Variants in EME1 observed in about 807,000 individuals in gnomAD.
The protein encoded by EME1 is essential meiotic structure-specific endonuclease 1.
EME1 carries 61 observed loss-of-function variants against 59.1 expected under a neutral mutation model. That is an observed-to-expected ratio of 1.03 (90% CI 0.84 to 1.28). EME1 has a LOEUF of 1.28. Ranked by LOEUF, EME1 falls within the 50% of genes most tolerant of loss-of-function variation. EME1 has a pLI of 0.00. For synonymous variants in EME1, 230 were observed against 254.2 expected (o/e 0.90, Z 0.90); for missense variants, 635 against 682.6 (o/e 0.93, Z 0.78).
intron 3 of EME1, among the ~76,000 whole-genome samples, 189 bp from the exon 4 acceptor site, chr17:50,378,406 C>T (rs1185990429): frequency 6.6e-6 from 1 of 152,154 alleles, no homozygotes; most frequent in African/African-American, 2.4e-5. Context: ...ATGCAGGGCA[C>T]CAAGACTGAA....
rs145492554 is a variant in EME1, at chr17:50,379,106, G to A, written c.1113-1G>A. On this transcript the variant is annotated splice_acceptor_variant, in intron 5 of 8. Coordinates refer to ENST00000338165, the MANE Select transcript of EME1 (RefSeq NM_152463.4). LOFTEE classifies it high-confidence loss of function. ...TTCTTTGATTTCCTCCCCTGCACCA[G>A]TGCTCAGAATCCTCCAAGAAGAGGG... The A allele has an allele frequency of 1.9e-6, 3 of 1,614,030 alleles. No individual in the cohort carries two copies. In the African/African-American group the frequency reaches 4.0e-5, roughly 22 times the overall value.
rs371452958 is a variant in EME1, at chr17:50,378,869, G to C, written c.1086G>C (p.Val362=). The change falls in exon 5 of 9, where the codon GTG becomes GTC. Residue 362 remains valine (V), a synonymous_variant. Transcript: ENST00000338165. ...CAGCAGGGAAAGCTCTGTCACTGGT[G>C]ATTGTGGATCAGGAGAAATGCTTCA... The part of the protein sequence containing the change: ...AKTAGKALSL[V]IVDQEKCFSA... 12 of 1,614,226 alleles carry C rather than the reference G, an allele frequency of 7.4e-6. No individual in the cohort carries two copies. Among genetic ancestry groups the C allele is most frequent in the Non-Finnish European group, 1.0e-5 (12 of 1,180,032 alleles).
rs1913266680 is a variant in EME1 at position 50,373,462 on chromosome 17, GC to G, written c.-25+188del. On this transcript the variant is annotated intron_variant, in intron 1 of 8. Transcript: ENST00000338165. ...CCCTGATTTGCAGATGTCAACGGAG[GC>G]CCAGCGAAGGGTCAGAGATGAGGCC... Among the ~76,000 whole-genome samples, 3 of 152,350 alleles carry G rather than the reference GC, an allele frequency of 2.0e-5. No homozygotes were observed. The South Asian group carries it at 6.2e-4, about 32-fold the overall frequency.
chr17:50,374,142 T>A (rs1913315428), intron 1 of EME1, among the ~76,000 whole-genome samples: 1 of 152,178 alleles, frequency 6.6e-6, no homozygotes, highest in Non-Finnish European at 1.5e-5. Context: ...AAAATAGTGA[T>A]GATGGTTGCA....
Position 50,378,622 on chromosome 17 carries a change from A to T in EME1, c.931A>T (p.Thr311Ser), listed in dbSNP as rs573673726. 6.2e-7 allele frequency: 1 copy of T among 1,613,862 alleles called. No homozygotes were observed. The highest frequency in any genetic ancestry group is 1.7e-5 in the Admixed American group (1 of 59,996). Residue 311 changes from threonine (T) to serine (S), a missense_variant, in exon 4 of 9, where the codon ACA (threonine) becomes TCA (serine). Transcript: ENST00000338165. ...CAGAGAGGACTGGGTGGAGGAGCCAACAGTACTGGTGTTGCTCCGGGCAGA... is the reference window on the plus strand; with the variant it reads ...CAGAGAGGACTGGGTGGAGGAGCCATCAGTACTGGTGTTGCTCCGGGCAGA... ...EDREDWVEEP[T>S]VLVLLRAEAF...
In EME1 at chr17:50,379,203, A is replaced by G. The variant is rs1471154492; in HGVS notation, c.1209A>G (p.Val403=). ...CAGAGGCCAGCATAGGGTCCATGGT[A>G]TCCAGGGTAGACGCTGAAGAGGTAA... ...RQPEASIGSM[V]SRVDAEEALV... is the part of the protein sequence containing the mutation. Residue 403 remains valine (V), a synonymous_variant, in exon 6 of 9, where the codon GTA becomes GTG. Coordinates refer to ENST00000338165, the MANE Select transcript of EME1 (RefSeq NM_152463.4). 6.2e-7 allele frequency: 1 copy of G among 1,614,198 alleles called. No individual in the cohort carries two copies. Among genetic ancestry groups the G allele is most frequent in the Non-Finnish European group, 8.5e-7 (1 of 1,180,026 alleles).
intron 1 of EME1, 139 bp from the exon 2 acceptor site, chr17:50,375,046 T>C (rs1913382523): frequency 1.6e-6 from 1 of 611,484 alleles, no homozygotes; most frequent in South Asian, 2.3e-5. Context: ...CCAGATTGAA[T>C]GTGTTGGGGC....
In EME1 at chr17:50,375,984, G is replaced by C; in HGVS notation, c.775+1G>C. On this transcript the variant is annotated splice_donor_variant, in intron 2 of 8. Coordinates refer to ENST00000338165, the MANE Select transcript of EME1 (RefSeq NM_152463.4). LOFTEE classifies it high-confidence loss of function. ...CACATCATTGTAGTGCTGGATCCAG[G>C]TCCTCACATGTGTCTTTGTCCTGTG... 6.2e-7 allele frequency: 1 copy of C among 1,605,242 alleles called. No homozygotes were observed. The highest frequency in any genetic ancestry group is 8.5e-7 in the Non-Finnish European group (1 of 1,173,756).
At chr17:50,380,707 T>G in intron 8 of EME1, 56 bp from the exon 9 acceptor site, 1 of 1,608,482 alleles carries the variant, frequency 6.2e-7, no homozygotes, top group South Asian at 1.1e-5. Context: ...TCCATGCTCA[T>G]GGAGAAGGGA....
At position 50,375,391 on chromosome 17, in the gene EME1, GTTA is replaced by G. The variant is rs1567814779; in HGVS notation, c.186_188del (p.Leu62del). ...AAGCCTCCTGTCCTCCAGCACCAGA[GTTA>G]TTTTCACCACCTGTCCCAGAAATAG... On this transcript the variant is annotated inframe_deletion, in exon 2 of 9. Coordinates refer to ENST00000338165, the MANE Select transcript of EME1 (RefSeq NM_152463.4). The G allele has an allele frequency of 3.1e-6, 5 of 1,614,090 alleles. No individual in the cohort carries two copies. The highest frequency in any genetic ancestry group is 4.2e-6 in the Non-Finnish European group (5 of 1,180,058).
At chr17:50,377,297 C>T (rs1435091347) in intron 3 of EME1, among the ~76,000 whole-genome samples, 1 of 152,126 alleles carries the variant, frequency 6.6e-6, no homozygotes, top group Admixed American at 6.5e-5. Context: ...CTTCTCCCCA[C>T]ATCACAGGTG....
rs1401587977 is a variant in EME1, at chr17:50,375,908, G to A, written c.700G>A (p.Ala234Thr). The change falls in exon 2 of 9, where the codon GCA (alanine) becomes ACA (threonine). Residue 234 changes from alanine (A) to threonine (T), a missense_variant. By Grantham distance (58) the Ala-to-Thr change is moderately conservative (BLOSUM62 0). Coordinates refer to ENST00000338165, the MANE Select transcript of EME1 (RefSeq NM_152463.4). ...STLRRQERKN[A>T]ALVTRMKAQR... ...CCTGAGAAGACAGGAAAGAAAGAAT[G>A]CAGCACTGGTTACCAGGATGAAAGC... 1.5e-5 allele frequency: 25 copies of A among 1,613,424 alleles called. No individual in the cohort carries two copies. The highest frequency in any genetic ancestry group is 1.9e-5 in the Non-Finnish European group (23 of 1,179,756).
rs114836030 is a variant in EME1 at position 50,375,858 on chromosome 17, G to A, written c.650G>A (p.Arg217Lys). Residue 217 changes from arginine (R) to lysine (K), a missense_variant, in exon 2 of 9, where the codon AGA becomes AAA. Transcript: ENST00000338165. ...GGCTCACACGGATGCCGGCAGCAGA[G>A]ACAAGCAAGGCAGAAGGAAAGCACC... is the stretch of plus-strand genomic sequence containing the variant. ...GRGSHGCRQQ[R>K]QARQKESTLR... The A allele has an allele frequency of 9.9e-4, 1,595 of 1,614,156 alleles. 12 individuals are homozygous for A. In the African/African-American group the frequency reaches 0.018, roughly 18 times the overall value.
At position 50,381,062 on chromosome 17, in the gene EME1, T is replaced by C. The variant is rs765866176; in HGVS notation, c.*123T>C. On this transcript the variant is annotated 3_prime_UTR_variant, in exon 9 of 9. Coordinates refer to ENST00000338165, the MANE Select transcript of EME1 (RefSeq NM_152463.4). ...CACAAGCCTAGGTGAGGCCCAGTCT[T>C]TCTTGGGTCTTATTATTTGTGAAGG... 1 of 1,052,598 alleles carries C rather than the reference T, an allele frequency of 9.5e-7. No individual in the cohort carries two copies. The highest frequency in any genetic ancestry group is 2.6e-5 in the East Asian group (1 of 39,180). The allele number at this position is 1,052,598 out of a possible 1,614,324, so 65.2% of individuals were successfully genotyped here.
rs1567818363 is a variant in EME1, at chr17:50,380,914, A to C, written c.1688A>C (p.His563Pro). 2 of 1,614,164 alleles carry C rather than the reference A, an allele frequency of 1.2e-6. No individual in the cohort carries two copies. Among genetic ancestry groups the C allele is most frequent in the Non-Finnish European group, 1.7e-6 (2 of 1,180,032 alleles). Residue 563 changes from histidine (H) to proline (P), a missense_variant, in exon 9 of 9, where the codon CAT becomes CCT. Transcript: ENST00000338165. ...CTTCAGATGACCACTTTACAGCCACATCTCTCTTTAGATAGTGCTGACTGA... is the reference window on the plus strand; with the variant it reads ...CTTCAGATGACCACTTTACAGCCACCTCTCTCTTTAGATAGTGCTGACTGA... ...IYLQMTTLQP[H>P]LSLDSAD
In EME1 at chr17:50,380,369, G is replaced by A. The variant is rs887039761; in HGVS notation, c.1404G>A (p.Gly468=). 6.2e-7 allele frequency: 1 copy of A among 1,614,030 alleles called. No individual in the cohort carries two copies. Among genetic ancestry groups the A allele is most frequent in the African/African-American group, 1.3e-5 (1 of 75,044 alleles). The change falls in exon 8 of 9, where the codon GGG becomes GGA. Residue 468 remains glycine (G), a synonymous_variant. Transcript: ENST00000338165. The stretch of plus-strand genomic sequence containing the variant: ...GTCTGGAGAGTGACTGGGCTGGAGG[G>A]GTGAAGGTGGACCTTGCTGGCAGGG... The part of the protein sequence containing the change: ...SFCLESDWAG[G]VKVDLAGRGL...
At position 50,378,855 on chromosome 17, in the gene EME1, G is replaced by A. The variant is rs778157276; in HGVS notation, c.1072G>A (p.Ala358Thr). ...CATCACAGCAAAGACAGCAGGGAAAGCTCTGTCACTGGTGATTGTGGATCA... is the reference window on the plus strand; with the variant it reads ...CATCACAGCAAAGACAGCAGGGAAAACTCTGTCACTGGTGATTGTGGATCA... Reference protein sequence around the residue: ...TDITAKTAGKALSLVIVDQEK... With the variant: ...TDITAKTAGKTLSLVIVDQEK... The change falls in exon 5 of 9, where the codon GCT becomes ACT. Residue 358 changes from alanine (A) to threonine (T), a missense_variant. By Grantham distance (58) the Ala-to-Thr change is moderately conservative (BLOSUM62 0). Transcript: ENST00000338165. 1.2e-6 allele frequency: 2 copies of A among 1,614,244 alleles called. No individual in the cohort carries two copies. The highest frequency in any genetic ancestry group is 2.2e-5 in the East Asian group (1 of 44,894).
chr17:50,380,561 A>G, intron 8 of EME1, 60 bp downstream of exon 8: 1 of 1,587,972 alleles, frequency 6.3e-7, no homozygotes. Context: ...GTGGGCCCCC[A>G]GATTTCCATG....
At chr17:50,377,280 G>T (rs1050197643) in intron 3 of EME1, among the ~76,000 whole-genome samples, 1 of 151,994 alleles carries the variant, frequency 6.6e-6, no homozygotes, top group Admixed American at 6.6e-5. Context: ...CATCCTATGG[G>T]GTAGGACTTC....
Sources: allele counts gnomAD v4.1 joint callset (sites outside exome capture counted in the v4.1 genomes callset), GRCh38; gene constraint gnomAD v4.1.1; transcripts MANE v1.5; gene names NCBI Gene and HGNC (gene_info 2026-07-23, HGNC 2026-07-21).